GRID2: variants seen among roughly 807,000 people sequenced by gnomAD.
The protein encoded by GRID2 is glutamate receptor ionotropic, delta-2.
In GRID2, 33 loss-of-function variants were observed where a neutral mutation model predicts 114.8. That is an observed-to-expected ratio of 0.29 (90% CI 0.22 to 0.38). The LOEUF (loss-of-function observed/expected upper bound fraction) is 0.38. GRID2 is among the 10% of genes least tolerant of loss of function. The pLI is 1.00. For missense variants in GRID2, 1,184 were observed against 1,257.7 expected, an observed-to-expected ratio of 0.94 and a Z score of 0.89; for synonymous variants, 505 against 449.9, an observed-to-expected ratio of 1.12 and a Z score of -1.55.
chr4:92,341,387 T>C (rs1269428818), intron 1 of GRID2, among the ~76,000 whole-genome samples: 14 of 152,176 alleles, frequency 9.2e-5, no homozygotes. Context: ...CCACTGACTT[T>C]CTAAGGCTTC....
intron 2 of GRID2, among the ~76,000 whole-genome samples, chr4:92,693,201 C>G (rs1488537180): frequency 6.6e-6 from 1 of 151,984 alleles, no homozygotes; most frequent in African/African-American, 2.4e-5. Context: ...TTCTAGTAAT[C>G]TCAAATGTGA....
At chr4:92,630,273 C>T (rs1046316680) in intron 2 of GRID2, among the ~76,000 whole-genome samples, 1 of 152,080 alleles carries the variant, frequency 6.6e-6, no homozygotes, top group East Asian at 1.9e-4. Context: ...TTTCTCCATC[C>T]TTGTACTTCA....
chr4:93,466,815 C>T (rs1386508508), intron 11 of GRID2, among the ~76,000 whole-genome samples: 3 of 152,114 alleles, frequency 2.0e-5, no homozygotes, highest in Admixed American at 2.0e-4. Context: ...ATGTTAATAA[C>T]TATTTGATAG....
At chr4:93,682,244 C>G (rs1463484067) in intron 14 of GRID2, among the ~76,000 whole-genome samples, 1 of 148,612 alleles carries the variant, frequency 6.7e-6, no homozygotes, top group Non-Finnish European at 1.5e-5. Context: ...CCATCTCACA[C>G]CAGTTAGAAT....
intron 2 of GRID2, among the ~76,000 whole-genome samples, chr4:92,790,254 G>A (rs1739518690): frequency 6.6e-6 from 1 of 151,032 alleles, no homozygotes; most frequent in Non-Finnish European, 1.5e-5. Context: ...ACTTAGATTT[G>A]GATTCCATCA....
chr4:92,574,191 T>C (rs1007156620), intron 1 of GRID2, among the ~76,000 whole-genome samples: 1 of 152,128 alleles, frequency 6.6e-6, no homozygotes, highest in Non-Finnish European at 1.5e-5. Flanking sequence ...TGTGTCTTTG[T>C]ATGTGAGACG....
At chr4:93,407,448 T>C (rs1392083595) in intron 9 of GRID2, among the ~76,000 whole-genome samples, 1 of 152,176 alleles carries the variant, frequency 6.6e-6, no homozygotes, top group Non-Finnish European at 1.5e-5. Context: ...TTGGGATTTT[T>C]AATGATCGGT....
intron 4 of GRID2, among the ~76,000 whole-genome samples, chr4:93,113,982 C>T (rs954697879): frequency 9.2e-5 from 14 of 151,914 alleles, no homozygotes; most frequent in Admixed American, 3.9e-4. Flanking sequence ...CGTTTGGTGA[C>T]GAAAGTAAGG....
intron 14 of GRID2, among the ~76,000 whole-genome samples, chr4:93,742,964 G>A (rs1731544114): frequency 1.3e-5 from 2 of 152,372 alleles, no homozygotes; most frequent in South Asian, 4.1e-4. Flanking sequence ...TGAAAGCTGA[G>A]ATAGGCCAAA....
chr4:93,539,915 A>G (rs1430257310), intron 13 of GRID2, among the ~76,000 whole-genome samples: 2 of 151,966 alleles, frequency 1.3e-5, no homozygotes, highest in Non-Finnish European at 2.9e-5. Context: ...TGGGCACCTG[A>G]GAGGCCCATT....
At chr4:92,606,847 T>C (rs983526403) in intron 2 of GRID2, among the ~76,000 whole-genome samples, 3 of 152,054 alleles carry the variant, frequency 2.0e-5, no homozygotes, top group Non-Finnish European at 2.9e-5. Context: ...TTTGATTGTA[T>C]TATAAAGTCA....
intron 2 of GRID2, among the ~76,000 whole-genome samples, chr4:93,064,286 T>C (rs1728070891): frequency 6.6e-6 from 1 of 151,626 alleles, no homozygotes; most frequent in African/African-American, 2.4e-5. Context: ...TTTTTTTGTG[T>C]GTAACTCTCT....
At chr4:92,501,907 A>AT (rs1348288743) in intron 1 of GRID2, among the ~76,000 whole-genome samples, 1 of 152,294 alleles carries the variant, frequency 6.6e-6, no homozygotes, top group East Asian at 1.9e-4. Flanking sequence ...CAGTTTGATG[A>AT]TTTTGTTTCT....
rs185463008 is a variant in GRID2, at chr4:93,014,634, T to C, written c.245-70361T>C. ...AGATTAGCAAGGAAGATAATTTATG[T>C]AGTGGCCAATATAATATTAATGAGA... On this transcript the variant is annotated intron_variant, in intron 2 of 15. Coordinates refer to ENST00000282020, the MANE Select transcript of GRID2 (RefSeq NM_001510.4). 1.1e-4 allele frequency among the ~76,000 whole-genome samples: 16 copies of C among 152,262 alleles called. 1 individual carries two copies. The East Asian group carries it at 2.9e-3, about 28-fold the overall frequency.
At chr4:93,560,221 G>GGAAAAA (rs1734769092) in intron 13 of GRID2, among the ~76,000 whole-genome samples, 1 of 7,480 alleles carries the variant, frequency 1.3e-4, no homozygotes, top group Non-Finnish European at 2.6e-4. Context: ...AGAACTTAAA[G>GGAAAAA]TAAAAAAAAA....
chr4:93,095,510 G>T (rs1342543855), intron 3 of GRID2, among the ~76,000 whole-genome samples: 2 of 151,968 alleles, frequency 1.3e-5, no homozygotes, highest in Non-Finnish European at 2.9e-5. Context: ...AAAGGAAGAA[G>T]CAAATATGTC....
At chr4:92,534,950 A>C (rs17019461) in intron 1 of GRID2, among the ~76,000 whole-genome samples, 33,252 of 152,060 alleles carry the variant, frequency 0.22, 3,939 homozygotes, top group South Asian at 0.3. Context: ...CTTTAGCAAA[A>C]TACAGGTTAC....
intron 14 of GRID2, among the ~76,000 whole-genome samples, chr4:93,649,199 C>T (rs1483781462): frequency 6.6e-6 from 1 of 152,062 alleles, no homozygotes; most frequent in South Asian, 2.1e-4. Context: ...CCTGTTGTTC[C>T]TTTTGCCTGT....
chr4:92,403,884 G>C (rs1730909349), intron 1 of GRID2, among the ~76,000 whole-genome samples: 1 of 152,040 alleles, frequency 6.6e-6, no homozygotes, highest in African/African-American at 2.4e-5. Context: ...CTGGAAAGTG[G>C]AGCAGTCTGA....
Sources: gnomAD v4.1 joint callset for allele counts (sites outside exome capture counted in the v4.1 genomes callset) on GRCh38, gnomAD v4.1.1 for gene constraint, MANE v1.5 for transcripts, NCBI Gene and HGNC (gene_info 2026-07-23, HGNC 2026-07-21) for gene names.